The following EFHC2 variants were observed in gnomAD, a reference collection of about 807,000 sequenced individuals.
EFHC2 encodes EF-hand domain-containing family member C2.
Under a neutral mutation model 52.7 loss-of-function variants are expected in EFHC2, and 18 were observed. The observed-to-expected ratio is 0.34, with a 90% CI of 0.24 to 0.51. The LOEUF is 0.51. Among genes scored for constraint, EFHC2 ranks in the 20% least tolerant of loss-of-function variants. The probability of loss-of-function intolerance (pLI) is 0.97; values close to 1 mark genes in which losing one functional copy is unlikely to be tolerated. For synonymous variants in EFHC2, 203 were observed against 204.1 expected, an observed-to-expected ratio of 0.99 and a Z score of 0.04; for missense variants, 513 against 562.5, an observed-to-expected ratio of 0.91 and a Z score of 0.89.
chrX:44,343,055 G>A (rs1218273378), intron 1 of EFHC2, among the ~76,000 whole-genome samples: 1 of 110,195 alleles, frequency 9.1e-6, no homozygotes, highest in Non-Finnish European at 1.9e-5. Context: ...AATTGAAACG[G>A]TATCTTTTTT....
intron 4 of EFHC2, among the ~76,000 whole-genome samples, chrX:44,254,226 C>A (rs778996422): frequency 8.9e-6 from 1 of 112,133 alleles, no homozygotes; most frequent in Non-Finnish European, 1.9e-5. Flanking sequence ...TCCGAAGGAT[C>A]ACAACTCCTC....
chrX:44,178,269 T>C, intron 12 of EFHC2, 98 bp downstream of exon 12: 1 of 795,059 alleles, frequency 1.3e-6, no homozygotes, highest in Non-Finnish European at 1.8e-6. Flanking sequence ...ATGACACATG[T>C]CTATTTTCTT....
At chrX:44,211,190 C>T (rs1430604387) in intron 11 of EFHC2, among the ~76,000 whole-genome samples, 2 of 112,001 alleles carry the variant, frequency 1.8e-5, no homozygotes, top group East Asian at 5.6e-4. Flanking sequence ...TACTAGAACT[C>T]TCCAAGACTC....
intron 13 of EFHC2, among the ~76,000 whole-genome samples, chrX:44,165,345 T>C (rs1201661618): frequency 8.9e-6 from 1 of 111,757 alleles, no homozygotes; most frequent in Non-Finnish European, 1.9e-5. Context: ...GTAATTCTTT[T>C]GTGTACATTT....
chrX:44,175,509 T>C (rs2036779584), intron 13 of EFHC2, among the ~76,000 whole-genome samples: 1 of 112,055 alleles, frequency 8.9e-6, no homozygotes, highest in South Asian at 3.7e-4. Flanking sequence ...AGAGCTCTTC[T>C]TCTTCTACAC....
At chrX:44,191,555 G>A (rs1401039798) in intron 11 of EFHC2, among the ~76,000 whole-genome samples, 3 of 111,977 alleles carry the variant, frequency 2.7e-5, no homozygotes, top group Non-Finnish European at 3.8e-5. Context: ...TTTCTTAAAT[G>A]TATGTATAAC....
intron 1 of EFHC2, among the ~76,000 whole-genome samples, chrX:44,343,054 G>C (rs1240545667): frequency 3.6e-5 from 4 of 110,131 alleles, no homozygotes; most frequent in Admixed American, 9.7e-5. Flanking sequence ...TAATTGAAAC[G>C]GTATCTTTTT....
intron 2 of EFHC2, among the ~76,000 whole-genome samples, chrX:44,276,194 G>A (rs2037656696): frequency 9.0e-6 from 1 of 111,220 alleles, no homozygotes; most frequent in Non-Finnish European, 1.9e-5. Flanking sequence ...ACATCAGGAG[G>A]ATTGAAACAC....
chrX:44,149,675 C>T (rs936029483), intron 14 of EFHC2, among the ~76,000 whole-genome samples: 60 of 111,029 alleles, frequency 5.4e-4, no homozygotes, highest in African/African-American at 1.9e-3. Flanking sequence ...GCCACCATGC[C>T]CGGCTAATTT....
At chrX:44,241,724 G>A (rs1262859170) in intron 8 of EFHC2, among the ~76,000 whole-genome samples, 3 of 112,565 alleles carry the variant, frequency 2.7e-5, no homozygotes, top group Middle Eastern at 4.6e-3. Flanking sequence ...GTGCTTTCAC[G>A]CTACAAAGGC....
At chrX:44,224,887 T>C (rs2037219248) in intron 11 of EFHC2, among the ~76,000 whole-genome samples, 1 of 106,619 alleles carries the variant, frequency 9.4e-6, no homozygotes, top group Non-Finnish European at 1.9e-5. Context: ...ACTGACCACA[T>C]CTTCCTTGGC....
At chrX:44,328,455 G>A (rs1218270690) in intron 1 of EFHC2, among the ~76,000 whole-genome samples, 3 of 111,298 alleles carry the variant, frequency 2.7e-5, no homozygotes, top group Non-Finnish European at 5.7e-5. Context: ...ATAGGGTCTG[G>A]AGGCAGGGAA....
intron 9 of EFHC2, among the ~76,000 whole-genome samples, chrX:44,232,974 G>A (rs776815671): frequency 9.0e-6 from 1 of 111,403 alleles, no homozygotes; most frequent in East Asian, 2.8e-4. Flanking sequence ...TACAAGACCA[G>A]CCTGAGCAGC....
intron 4 of EFHC2, among the ~76,000 whole-genome samples, chrX:44,260,393 A>T (rs2037529155): frequency 9.0e-6 from 1 of 111,149 alleles, no homozygotes; most frequent in African/African-American, 3.3e-5. Context: ...GTCACCTTCC[A>T]CCCCCCTTTG....
At chrX:44,322,404 A>G (rs17146916) in intron 1 of EFHC2, among the ~76,000 whole-genome samples, 6,695 of 112,111 alleles carry the variant, frequency 0.06, 480 homozygotes, top group African/African-American at 0.21. Context: ...AAACAATCAG[A>G]TATTGTCAGC....
intron 11 of EFHC2, among the ~76,000 whole-genome samples, chrX:44,223,614 T>A (rs73628325): frequency 0.034 from 3,778 of 111,754 alleles, 182 homozygotes; most frequent in African/African-American, 0.12. Context: ...AAGATCTCCA[T>A]CTTTTTGATT....
chrX:44,339,766 G>A (rs2038141220), intron 1 of EFHC2, among the ~76,000 whole-genome samples: 1 of 110,435 alleles, frequency 9.1e-6, no homozygotes, highest in Non-Finnish European at 1.9e-5. Flanking sequence ...GGGGAGGGGG[G>A]AAGGGCAAGA....
intron 11 of EFHC2, among the ~76,000 whole-genome samples, chrX:44,221,500 G>A (rs2037193216): frequency 9.0e-6 from 1 of 111,529 alleles, no homozygotes; most frequent in African/African-American, 3.2e-5. Context: ...TTGTTTCTCT[G>A]CTAGAAAATG....
chrX:44,303,241 T>C (rs1402917919), intron 2 of EFHC2, among the ~76,000 whole-genome samples: 1 of 111,306 alleles, frequency 9.0e-6, no homozygotes, highest in Non-Finnish European at 1.9e-5. Context: ...TCTGTGACCG[T>C]GACGGATCAA....
Sources: allele counts gnomAD v4.1 joint callset (sites outside exome capture counted in the v4.1 genomes callset), GRCh38; gene constraint gnomAD v4.1.1; transcripts MANE v1.5; gene names NCBI Gene and HGNC (gene_info 2026-07-23, HGNC 2026-07-21).